ADNP: variants seen among roughly 807,000 people sequenced by gnomAD.
ADNP encodes activity-dependent neuroprotector homeobox protein.
A neutral mutation model predicts 84.9 loss-of-function variants in ADNP; 4 were observed. The ratio of observed to expected loss-of-function variants is 0.05; its 90% CI spans 0.02 to 0.11. The LOEUF is 0.11. Ranked by LOEUF, ADNP falls within the 10% of genes least tolerant of loss-of-function variation. The pLI, the probability that ADNP is intolerant of heterozygous loss-of-function variation, is 1.00. For synonymous variants in ADNP, 554 were observed against 468.1 expected, an observed-to-expected ratio of 1.18 and a Z score of -2.37; for missense variants, 1,132 against 1,326.0, an observed-to-expected ratio of 0.85 and a Z score of 2.27.
At chr20:50,922,011 C>G (rs920408371) in intron 2 of ADNP, among the ~76,000 whole-genome samples, 3 of 152,188 alleles carry the variant, frequency 2.0e-5, no homozygotes, top group African/African-American at 7.2e-5. Context: ...ACTCCACAGG[C>G]ATACAGCCAC....
intron 2 of ADNP, among the ~76,000 whole-genome samples, chr20:50,921,974 T>G (rs1449093777): frequency 6.6e-6 from 1 of 152,172 alleles, no homozygotes; most frequent in African/African-American, 2.4e-5. Flanking sequence ...TAAAGAGTGA[T>G]TCTAGCACTC....
At chr20:50,930,004 G>A (rs1169927658) in intron 1 of ADNP, among the ~76,000 whole-genome samples, 1 of 151,962 alleles carries the variant, frequency 6.6e-6, no homozygotes, top group South Asian at 2.1e-4. Flanking sequence ...AGGAAGAGAA[G>A]CAATCGCGCC....
chr20:50,920,209 G>A (rs1490523325), intron 2 of ADNP, among the ~76,000 whole-genome samples: 3 of 147,022 alleles, frequency 2.0e-5, no homozygotes, highest in South Asian at 4.3e-4. Context: ...TCCGGGAGGC[G>A]GAGGTTGCAG....
chr20:50,903,585 T>C (rs1982195294), intron 4 of ADNP, among the ~76,000 whole-genome samples: 2 of 152,208 alleles, frequency 1.3e-5, no homozygotes, highest in African/African-American at 4.8e-5. Flanking sequence ...TAAGAACTGC[T>C]ACACTGCCTC....
intron 2 of ADNP, chr20:50,913,753 T>A (rs536742535): frequency 4.8e-6 from 2 of 417,376 alleles, no homozygotes; most frequent in Admixed American, 2.9e-5. Flanking sequence ...TCTAAACTTA[T>A]GGTCTGCAAC....
intron 2 of ADNP, among the ~76,000 whole-genome samples, chr20:50,909,986 T>C (rs1381256402): frequency 2.0e-5 from 3 of 152,202 alleles, no homozygotes; most frequent in Non-Finnish European, 4.4e-5. Context: ...TTTTCCAATA[T>C]ATAAACACAC....
chr20:50,893,431 G>A lies in ADNP; in HGVS notation c.1283C>T (p.Pro428Leu), dbSNP rs1171319972. The A allele has an allele frequency of 6.2e-7, 1 of 1,614,050 alleles. No individual in the cohort carries two copies. The highest frequency in any genetic ancestry group is 8.5e-7 in the Non-Finnish European group (1 of 1,180,044). The change falls in exon 6 of 6, where the codon CCT becomes CTT. Residue 428 changes from proline to leucine, a missense_variant. Physicochemically the swap from Pro to Leu is moderately conservative, Grantham distance 98 (BLOSUM62 -3). Transcript: ENST00000621696. This position sits in a 1 kb window ranked among gnomAD's most constrained non-coding sequence, Gnocchi z 4.4. ...GGGAGGGCCTGTGGCAGCTGCAGCA[G>A]GTTTGGAACTGGACTGACCTAACAC... The part of the protein sequence containing the change: ...SRVLGQSSSK[P>L]AAAATGPPPG...
intron 5 of ADNP, among the ~76,000 whole-genome samples, chr20:50,899,462 C>T (rs1244404352): frequency 1.3e-5 from 2 of 152,102 alleles, no homozygotes; most frequent in Non-Finnish European, 2.9e-5. Context: ...CCACCTGCCT[C>T]GGCCTCCCAA....
chr20:50,914,609 G>C (rs1190174370), intron 2 of ADNP, among the ~76,000 whole-genome samples: 1 of 152,118 alleles, frequency 6.6e-6, no homozygotes, highest in African/African-American at 2.4e-5. Flanking sequence ...TTCTACTGTT[G>C]TCACATATTC....
At chr20:50,929,247 G>A (rs1041276809) in intron 1 of ADNP, among the ~76,000 whole-genome samples, 18 of 152,208 alleles carry the variant, frequency 1.2e-4, no homozygotes, top group East Asian at 1.9e-4. Context: ...AAAACTTGAG[G>A]TGGAAGAACT....
At position 50,891,229 on chromosome 20, in the gene ADNP, AAG is replaced by A; in HGVS notation, c.*174_*175del. ...TGTCTGTCAGAGAAGGTTCTGAAGCAAGAACAGCCTGTCCTGTCATAGACTTA... is the reference window on the plus strand; with the variant it reads ...TGTCTGTCAGAGAAGGTTCTGAAGCAAACAGCCTGTCCTGTCATAGACTTA... On this transcript the variant is annotated 3_prime_UTR_variant, in exon 6 of 6. Coordinates refer to ENST00000621696, the MANE Select transcript of ADNP (RefSeq NM_001282531.3). The A allele has an allele frequency of 2.2e-6, 3 of 1,353,914 alleles. No homozygotes were observed. Among genetic ancestry groups the A allele is most frequent in the Non-Finnish European group, 2.8e-6 (3 of 1,059,310 alleles). The allele number at this position is 1,353,914 out of a possible 1,614,324, so 83.9% of individuals were successfully genotyped here. A position where few individuals can be genotyped will look rare whatever the true frequency, so the allele number is the denominator to read the frequency against.
At chr20:50,928,367 T>C (rs985595903) in intron 2 of ADNP, among the ~76,000 whole-genome samples, 1 of 152,244 alleles carries the variant, frequency 6.6e-6, no homozygotes, top group Non-Finnish European at 1.5e-5. Context: ...GATTGGGTTA[T>C]CAAAGTAATA....
chr20:50,902,329 C>A (rs1022301314), intron 4 of ADNP, among the ~76,000 whole-genome samples: 2 of 152,124 alleles, frequency 1.3e-5, no homozygotes, highest in Admixed American at 6.5e-5. Context: ...GATGGTCAGT[C>A]AGGTTTCCAA....
chr20:50,915,001 C>G (rs571629068), intron 2 of ADNP, among the ~76,000 whole-genome samples: 1 of 151,748 alleles, frequency 6.6e-6, no homozygotes, highest in East Asian at 1.9e-4. Flanking sequence ...AGCTATTTGC[C>G]AAGATAAAAC....
intron 2 of ADNP, among the ~76,000 whole-genome samples, chr20:50,907,391 T>G (rs1031760255): frequency 6.6e-6 from 1 of 151,890 alleles, no homozygotes; most frequent in Non-Finnish European, 1.5e-5. Flanking sequence ...CTCAACCTCC[T>G]GAGTAGCTGG....
intron 2 of ADNP, among the ~76,000 whole-genome samples, chr20:50,920,439 G>A (rs2122970119): frequency 6.6e-6 from 1 of 151,776 alleles, no homozygotes; most frequent in Middle Eastern, 3.4e-3. Context: ...CATGAGCTCG[G>A]TGTGGTGGCC....
Position 50,891,697 on chromosome 20 carries a change from G to C in ADNP, c.3017C>G (p.Ala1006Gly), listed in dbSNP as rs762039872. The change falls in exon 6 of 6, where the codon GCA becomes GGA. Residue 1006 changes from alanine (A) to glycine (G), a missense_variant. This residue lies in a region of ADNP where 381 missense variants were observed against 319.9 expected (regional missense o/e 1.19). Coordinates refer to ENST00000621696, the MANE Select transcript of ADNP (RefSeq NM_001282531.3). ...TTTGGCAGCTGGCTTACTGCTCCTT[G>C]CATCTTCGCTTTGGGAAGACTCGTC... ...WSDESSQSED[A>G]RSSKPAAKKK... The C allele has an allele frequency of 2.8e-5, 45 of 1,613,950 alleles. No homozygotes were observed. Among genetic ancestry groups the C allele is most frequent in the Non-Finnish European group, 3.3e-5 (39 of 1,180,026 alleles).
At chr20:50,925,348 A>C (rs1222249373) in intron 2 of ADNP, among the ~76,000 whole-genome samples, 1 of 152,076 alleles carries the variant, frequency 6.6e-6, no homozygotes, top group Admixed American at 6.6e-5. Flanking sequence ...ATATGTGAGG[A>C]GAGCCTTCTC....
At chr20:50,929,888 A>T (rs150912050) in intron 1 of ADNP, among the ~76,000 whole-genome samples, 6 of 152,154 alleles carry the variant, frequency 3.9e-5, no homozygotes, top group Admixed American at 3.9e-4. Flanking sequence ...AGAAGTGTCC[A>T]GAGTAACTGG....
Sources: allele counts gnomAD v4.1 joint callset (sites outside exome capture counted in the v4.1 genomes callset), GRCh38; gene constraint gnomAD v4.1.1; regional missense constraint gnomAD v4.1.1; non-coding constraint Gnocchi (gnomAD v3.1); transcripts MANE v1.5; gene names NCBI Gene and HGNC (gene_info 2026-07-23, HGNC 2026-07-21).